Variants in HSD17B3 observed in about 807,000 individuals in gnomAD.
The protein encoded by HSD17B3 is 17-beta-hydroxysteroid dehydrogenase type 3.
In HSD17B3, 29 loss-of-function variants were observed where a neutral mutation model predicts 41.1. That is an observed-to-expected ratio of 0.71 (90% CI 0.53 to 0.96). The LOEUF (loss-of-function observed/expected upper bound fraction) is 0.96, where lower values mean the gene tolerates loss of function less well. HSD17B3 is among the 40% of genes least tolerant of loss of function. HSD17B3 has a pLI of 0.00. For missense variants in HSD17B3, 323 were observed against 374.6 expected (o/e 0.86, Z 1.14); for synonymous variants, 126 against 145.6 (o/e 0.87, Z 0.97).
intron 6 of HSD17B3, 22 bp downstream of exon 6, chr9:96,249,729 C>T (rs370921348): frequency 2.6e-5 from 42 of 1,611,136 alleles, no homozygotes; most frequent in African/African-American, 4.0e-5. Flanking sequence ...TAATGCATTT[C>T]GCACATATAT....
chr9:96,237,833 T>G (rs1836289392), intron 10 of HSD17B3, among the ~76,000 whole-genome samples: 1 of 152,098 alleles, frequency 6.6e-6, no homozygotes. Context: ...AAAGGAAAGG[T>G]CAAGAAAATA....
In HSD17B3 at chr9:96,252,928, GTT is replaced by G; in HGVS notation, c.278-20_278-19del. 1 of 1,516,694 alleles carries G rather than the reference GTT, an allele frequency of 6.6e-7. No individual in the cohort carries two copies. The highest frequency in any genetic ancestry group is 9.2e-7 in the Non-Finnish European group (1 of 1,091,364). 94.0% of individuals were successfully genotyped at this position (1,516,694 alleles called of 1,614,324 possible). ...AGTCCGCTCTACACGAGAGACAACAGTTTTTTTAATGAACAGGGATCCAAATG... is the reference window on the plus strand; with the variant it reads ...AGTCCGCTCTACACGAGAGACAACAGTTTTTAATGAACAGGGATCCAAATG... On this transcript the variant is annotated intron_variant, in intron 3 of 10. Coordinates refer to ENST00000375263, the MANE Select transcript of HSD17B3 (RefSeq NM_000197.2).
chr9:96,287,709 C>A (rs1826979757), intron 2 of HSD17B3, among the ~76,000 whole-genome samples: 1 of 151,330 alleles, frequency 6.6e-6, no homozygotes, highest in Non-Finnish European at 1.5e-5. Context: ...GACTCCGTCT[C>A]TAAATAAATA....
intron 2 of HSD17B3, among the ~76,000 whole-genome samples, chr9:96,281,890 T>A (rs1826707838): frequency 6.6e-6 from 1 of 152,200 alleles, no homozygotes; most frequent in South Asian, 2.1e-4. Context: ...TCTGTCTCCC[T>A]CTGTCTCTCT....
chr9:96,289,794 G>T (rs574030493), intron 2 of HSD17B3, among the ~76,000 whole-genome samples: 8 of 152,086 alleles, frequency 5.3e-5, no homozygotes, highest in Non-Finnish European at 1.2e-4. Context: ...AGAATGTCCA[G>T]GCTGACAGGC....
rs35263931 is a variant in HSD17B3, at chr9:96,270,247, TAC to T, written c.202-15306_202-15305del. Among the ~76,000 whole-genome samples the T allele has an allele frequency of 3.6e-3, 530 of 147,354 alleles. 7 individuals carry two copies. The highest frequency in any genetic ancestry group is 0.012 in the African/African-American group (492 of 39,606). ...ATTTGATCTATCCCCCCCAAACACATACACACACACACACACACACACAGAGA... is the reference window on the plus strand; with the variant it reads ...ATTTGATCTATCCCCCCCAAACACATACACACACACACACACACACAGAGA... On this transcript the variant is annotated intron_variant, in intron 2 of 10. Coordinates refer to ENST00000375263, the MANE Select transcript of HSD17B3 (RefSeq NM_000197.2).
chr9:96,251,703 T>C (rs1356293729), intron 4 of HSD17B3, among the ~76,000 whole-genome samples: 1 of 152,236 alleles, frequency 6.6e-6, no homozygotes, highest in Non-Finnish European at 1.5e-5. Flanking sequence ...CATTAAAAAC[T>C]ATGGCTGGGC....
At chr9:96,241,492 C>T (rs1007965754) in intron 9 of HSD17B3, among the ~76,000 whole-genome samples, 1 of 152,198 alleles carries the variant, frequency 6.6e-6, no homozygotes, top group African/African-American at 2.4e-5. Context: ...ATAACCTCTT[C>T]CTGTTGTGGT....
At chr9:96,292,267 A>G (rs922270069) in intron 2 of HSD17B3, among the ~76,000 whole-genome samples, 3 of 152,228 alleles carry the variant, frequency 2.0e-5, no homozygotes, top group African/African-American at 4.8e-5. Context: ...AAAAAGGTCT[A>G]ATATTCATGT....
chr9:96,248,602 G>A (rs1836766688), intron 6 of HSD17B3, among the ~76,000 whole-genome samples: 1 of 152,178 alleles, frequency 6.6e-6, no homozygotes, highest in Non-Finnish European at 1.5e-5. Flanking sequence ...TGAATGTTGT[G>A]TACTGAGCAA....
chr9:96,242,845 G>A (rs1000793137), intron 9 of HSD17B3, among the ~76,000 whole-genome samples: 14 of 152,160 alleles, frequency 9.2e-5, no homozygotes, highest in African/African-American at 3.4e-4. Context: ...TTCATGTTTA[G>A]AAATCACCAA....
chr9:96,235,973 T>C (rs976686790), intron 10 of HSD17B3, among the ~76,000 whole-genome samples: 3 of 151,402 alleles, frequency 2.0e-5, no homozygotes, highest in African/African-American at 7.3e-5. Context: ...GCCTGGCTAA[T>C]TTTTTCTTTT....
At chr9:96,247,774 T>G (rs1214250459) in intron 6 of HSD17B3, among the ~76,000 whole-genome samples, 1 of 152,138 alleles carries the variant, frequency 6.6e-6, no homozygotes, top group African/African-American at 2.4e-5. Context: ...ACACTGAATC[T>G]CGTGGGTCCC....
At position 96,272,958 on chromosome 9, in the gene HSD17B3, C is replaced by G. The variant is rs551207208; in HGVS notation, c.202-18015G>C. 2.8e-3 allele frequency among the ~76,000 whole-genome samples: 428 copies of G among 152,146 alleles called. 1 individual carries two copies. Among genetic ancestry groups the G allele is most frequent in the Non-Finnish European group, 4.0e-3 (272 of 68,002 alleles). On this transcript the variant is annotated intron_variant, in intron 2 of 10. Coordinates refer to ENST00000375263, the MANE Select transcript of HSD17B3 (RefSeq NM_000197.2). ...ATGCTAGGTGGGGGAAAAAGGCAAT[C>G]CAAAAAGTTTTACATAGTATATGAT...
chr9:96,263,524 T>C (rs572439742), intron 2 of HSD17B3, among the ~76,000 whole-genome samples: 1 of 150,632 alleles, frequency 6.6e-6, no homozygotes, highest in East Asian at 2.0e-4. Context: ...GAGACCATCC[T>C]GGCTAACACA....
chr9:96,285,304 C>T (rs1486376619), intron 2 of HSD17B3, among the ~76,000 whole-genome samples: 8 of 152,106 alleles, frequency 5.3e-5, no homozygotes, highest in Non-Finnish European at 1.2e-4. Context: ...AACTATGGTA[C>T]ACGTGTATCA....
At chr9:96,242,049 A>G (rs1311149555) in intron 9 of HSD17B3, among the ~76,000 whole-genome samples, 1 of 152,074 alleles carries the variant, frequency 6.6e-6, no homozygotes, top group African/African-American at 2.4e-5. Context: ...AAAAATCCAC[A>G]AAAGTTTTCT....
chr9:96,241,031 G>C, intron 9 of HSD17B3, 124 bp from the exon 10 acceptor site: 1 of 1,174,944 alleles, frequency 8.5e-7, no homozygotes, highest in Admixed American at 2.0e-5. Flanking sequence ...AAAGTTTTAA[G>C]ATCTTGAGTG....
chr9:96,295,001 GCTT>G (rs1792834740), intron 2 of HSD17B3, among the ~76,000 whole-genome samples: 1 of 129,778 alleles, frequency 7.7e-6, no homozygotes, highest in Non-Finnish European at 1.6e-5. Context: ...GACACGAGGA[GCTT>G]TTTTTTTTTT....
Sources: allele counts gnomAD v4.1 joint callset (sites outside exome capture counted in the v4.1 genomes callset), GRCh38; gene constraint gnomAD v4.1.1; transcripts MANE v1.5; gene names NCBI Gene and HGNC (gene_info 2026-07-23, HGNC 2026-07-21).